The following GRIN2B variants were observed in gnomAD, a reference collection of about 807,000 sequenced individuals.
GRIN2B encodes the protein glutamate ionotropic receptor NMDA type subunit 2B.
In GRIN2B, 5 loss-of-function variants were observed where a neutral mutation model predicts 114.5. That is an observed-to-expected ratio of 0.04 (90% CI 0.02 to 0.09). GRIN2B has a LOEUF of 0.09. GRIN2B is among the 10% of genes least tolerant of loss of function. The probability of loss-of-function intolerance (pLI) is 1.00; values close to 1 mark genes in which losing one functional copy is unlikely to be tolerated. For synonymous variants in GRIN2B, 787 were observed against 745.1 expected, an observed-to-expected ratio of 1.06 and a Z score of -0.92; for missense variants, 1,108 against 1,943.5, an observed-to-expected ratio of 0.57 and a Z score of 8.08.
intron 4 of GRIN2B, among the ~76,000 whole-genome samples, chr12:13,687,937 A>G (rs1416277702): frequency 6.6e-6 from 1 of 152,146 alleles, no homozygotes. Flanking sequence ...TGGAAGTCTT[A>G]TTTCTGCTCT....
chr12:13,833,095 G>A (rs575516783), intron 3 of GRIN2B, among the ~76,000 whole-genome samples: 1 of 152,184 alleles, frequency 6.6e-6, no homozygotes, highest in Non-Finnish European at 1.5e-5. Context: ...ACAGTGGTTG[G>A]AAGCTTCTTG....
intron 3 of GRIN2B, among the ~76,000 whole-genome samples, chr12:13,864,025 G>C (rs899145643): frequency 4.6e-5 from 7 of 152,150 alleles, no homozygotes; most frequent in African/African-American, 1.7e-4. Flanking sequence ...TCTACCTGAA[G>C]CACAACTCAA....
At chr12:13,875,083 A>C in intron 2 of GRIN2B, among the ~76,000 whole-genome samples, 1 of 150,570 alleles carries the variant, frequency 6.6e-6, no homozygotes. Context: ...CTCCCTCCCC[A>C]CCCCACAGGC....
chr12:13,693,302 A>G (rs930857261), intron 4 of GRIN2B, among the ~76,000 whole-genome samples: 1 of 152,180 alleles, frequency 6.6e-6, no homozygotes, highest in Non-Finnish European at 1.5e-5. Flanking sequence ...GACTTATTGC[A>G]TGTTTCTTGG....
At chr12:13,810,598 C>A (rs948054909) in intron 3 of GRIN2B, among the ~76,000 whole-genome samples, 2 of 152,140 alleles carry the variant, frequency 1.3e-5, no homozygotes, top group Non-Finnish European at 2.9e-5. Flanking sequence ...TGCCTCCCTT[C>A]GTACAGGGCC....
rs193219001 is a variant in GRIN2B, at chr12:13,780,911, A to G, written c.412-26996T>C. 4.4e-4 allele frequency among the ~76,000 whole-genome samples: 67 copies of G among 151,486 alleles called. 1 individual carries two copies. The highest frequency in any genetic ancestry group is 2.3e-3 in the East Asian group (12 of 5,178). ...GGTTTATAAAACTTGCAAAAAAGGG[A>G]AAAAAATGGAATAAATTTTATAGAT... On this transcript the variant is annotated intron_variant, in intron 3 of 13. Coordinates refer to ENST00000609686, the MANE Select transcript of GRIN2B (RefSeq NM_000834.5).
At chr12:13,820,423 A>G (rs755421912) in intron 3 of GRIN2B, among the ~76,000 whole-genome samples, 8 of 152,228 alleles carry the variant, frequency 5.3e-5, no homozygotes, top group African/African-American at 1.7e-4. Context: ...CCCCAAATCA[A>G]CTAAGAACTA....
chr12:13,968,065 A>C (rs1480151142), intron 2 of GRIN2B, among the ~76,000 whole-genome samples: 1 of 152,248 alleles, frequency 6.6e-6, no homozygotes, highest in Non-Finnish European at 1.5e-5. Flanking sequence ...TCAATAAAAT[A>C]CTGTGAAAGA....
chr12:13,668,031 T>C (rs953060157), intron 5 of GRIN2B, among the ~76,000 whole-genome samples: 2 of 152,166 alleles, frequency 1.3e-5, no homozygotes, highest in African/African-American at 4.8e-5. Flanking sequence ...AAAAATTGTT[T>C]AGAGGACTCA....
At chr12:13,845,009 T>C (rs1033436106) in intron 3 of GRIN2B, among the ~76,000 whole-genome samples, 2 of 152,168 alleles carry the variant, frequency 1.3e-5, no homozygotes, top group African/African-American at 4.8e-5. Context: ...TTTCTCTGCA[T>C]ACTTGAGCAC....
At chr12:13,737,980 C>A (rs998140720) in intron 4 of GRIN2B, among the ~76,000 whole-genome samples, 7 of 152,144 alleles carry the variant, frequency 4.6e-5, no homozygotes, top group African/African-American at 1.7e-4. Flanking sequence ...GTAGACATTG[C>A]CAAGATTGGG....
intron 4 of GRIN2B, among the ~76,000 whole-genome samples, chr12:13,690,569 C>T (rs1361391962): frequency 2.6e-5 from 4 of 152,002 alleles, no homozygotes; most frequent in African/African-American, 7.2e-5. Context: ...AAACTTCTCC[C>T]TTTTGATGTT....
chr12:13,815,892 C>G (rs1864813593), intron 3 of GRIN2B, among the ~76,000 whole-genome samples: 1 of 152,154 alleles, frequency 6.6e-6, no homozygotes, highest in Admixed American at 6.5e-5. Context: ...ATTAAAAGAA[C>G]ACAAGTAGGT....
chr12:13,764,076 C>T (rs1204733971), intron 3 of GRIN2B, among the ~76,000 whole-genome samples: 1 of 151,930 alleles, frequency 6.6e-6, no homozygotes, highest in Non-Finnish European at 1.5e-5. Context: ...AGGATGGATG[C>T]CCAGCTCCTA....
At chr12:13,582,794 AG>A (rs371032682) in intron 10 of GRIN2B, among the ~76,000 whole-genome samples, 180 of 152,258 alleles carry the variant, frequency 1.2e-3, no homozygotes, top group African/African-American at 4.1e-3. Context: ...CTCCTGCTGG[AG>A]CCGAAACAAA....
chr12:13,865,037 G>A (rs150729837), intron 3 of GRIN2B, among the ~76,000 whole-genome samples: 13 of 152,284 alleles, frequency 8.5e-5, no homozygotes, highest in South Asian at 8.3e-4. Context: ...TGTGATGAGC[G>A]TTAATACCTT....
rs570030751 is a variant in GRIN2B at position 13,792,704 on chromosome 12, G to A, written c.412-38789C>T. On this transcript the variant is annotated intron_variant, in intron 3 of 13. Transcript: ENST00000609686. ...GGTCTGAAAGAGGCCATGGTGCAAG[G>A]CAGATGCTGTGGCACCTGACAGAAG... Among the ~76,000 whole-genome samples the A allele has an allele frequency of 3.5e-4, 54 of 152,348 alleles. 1 individual carries two copies. The highest frequency in any genetic ancestry group is 1.2e-3 in the African/African-American group (48 of 41,582).
chr12:13,563,305 C>T lies in GRIN2B; in HGVS notation c.3933G>A (p.Gln1311=), dbSNP rs776337201. 1 of 1,614,240 alleles carries T rather than the reference C, an allele frequency of 6.2e-7. No homozygotes were observed. The highest frequency in any genetic ancestry group is 1.1e-5 in the South Asian group (1 of 91,082). ...GCGGGGCCAGGGCGGCTTCTTCCTTCTGCAGGTCCACGAAGGTGTCGTAGG... is the reference window on the plus strand; with the variant it reads ...GCGGGGCCAGGGCGGCTTCTTCCTTTTGCAGGTCCACGAAGGTGTCGTAGG... The part of the protein sequence containing the change: ...QHSYDTFVDL[Q]KEEAALAPRS... Residue 1311 remains glutamine (Q), a synonymous_variant, in exon 14 of 14, where the codon CAG becomes CAA. Transcript: ENST00000609686.
chr12:13,832,217 A>C (rs1865162300), intron 3 of GRIN2B, among the ~76,000 whole-genome samples: 1 of 152,230 alleles, frequency 6.6e-6, no homozygotes, highest in African/African-American at 2.4e-5. Flanking sequence ...CTCATAAATC[A>C]AAGAATTATT....
Sources: allele counts gnomAD v4.1 joint callset (sites outside exome capture counted in the v4.1 genomes callset), GRCh38; gene constraint gnomAD v4.1.1; transcripts MANE v1.5; gene names NCBI Gene and HGNC (gene_info 2026-07-23, HGNC 2026-07-21).